ABR: variants seen among roughly 807,000 people sequenced by gnomAD.
The protein encoded by ABR is active breakpoint cluster region-related protein.
ABR carries 35 observed loss-of-function variants against 107.2 expected under a neutral mutation model. That is an observed-to-expected ratio of 0.33 (90% CI 0.25 to 0.43). ABR has a LOEUF of 0.43. Ranked by LOEUF, ABR falls within the 20% of genes least tolerant of loss-of-function variation. The pLI is 1.00. For missense variants in ABR, 815 were observed against 1,115.2 expected, an observed-to-expected ratio of 0.73 and a Z score of 3.83; for synonymous variants, 498 against 462.0, an observed-to-expected ratio of 1.08 and a Z score of -1.00.
At chr17:1,076,066 G>C (rs2035681558) in intron 6 of ABR, among the ~76,000 whole-genome samples, 1 of 152,104 alleles carries the variant, frequency 6.6e-6, no homozygotes, top group Admixed American at 6.6e-5. Flanking sequence ...TAGAGACAAG[G>C]TCTCACTATG....
rs144204871 is a variant in ABR at position 1,057,035 on chromosome 17, C to T, written c.1449G>A (p.Arg483=). 1.6e-5 allele frequency: 26 copies of T among 1,612,982 alleles called. No individual in the cohort carries two copies. Among genetic ancestry groups the T allele is most frequent in the Non-Finnish European group, 2.0e-5 (24 of 1,179,326 alleles). ...TGGTGACAGGAATGTTGTGTACAGT[C>T]CTAAGCTTGAAACAGGATCCTGTGA... The part of the protein sequence containing the change: ...QVLTGSCFKL[R]TVHNIPVTSN... The change falls in exon 13 of 23, where the codon AGG becomes AGA. Residue 483 remains arginine (R), a synonymous_variant. Coordinates refer to ENST00000302538, the MANE Select transcript of ABR (RefSeq NM_021962.5).
chr17:1,064,507 ACT>A (rs2034460524), intron 10 of ABR, among the ~76,000 whole-genome samples: 1 of 131,468 alleles, frequency 7.6e-6, no homozygotes, highest in Admixed American at 7.8e-5. Flanking sequence ...TGTTATGTGA[ACT>A]GAGGGCTATG....
intron 2 of ABR, among the ~76,000 whole-genome samples, chr17:1,124,764 A>T (rs899493423): frequency 6.6e-6 from 1 of 152,228 alleles, no homozygotes; most frequent in Non-Finnish European, 1.5e-5. Flanking sequence ...CACCAGGCCC[A>T]GGCTGGCTTT....
At chr17:1,026,971 C>A (rs1408893592) in intron 16 of ABR, among the ~76,000 whole-genome samples, 1 of 150,258 alleles carries the variant, frequency 6.7e-6, no homozygotes, top group African/African-American at 2.5e-5. Context: ...CACCTGCAGG[C>A]TTGGGGGCTC....
At position 1,006,091 on chromosome 17, in the gene ABR, TGGA is replaced by T. The variant is rs752145953; in HGVS notation, c.2566_2568del (p.Ser856del). On this transcript the variant is annotated inframe_deletion, in exon 23 of 23. Transcript: ENST00000302538. ...CACCCTGCCTCGGGCTACACGTCGG[TGGA>T]GAAGTACAGTGTGTTCCGCTTGAGT... 26 of 1,571,002 alleles carry T rather than the reference TGGA, an allele frequency of 1.7e-5. No individual in the cohort carries two copies. Among genetic ancestry groups the T allele is most frequent in the Non-Finnish European group, 2.2e-5 (25 of 1,157,808 alleles).
At position 1,161,242 on chromosome 17, in the gene ABR, T is replaced by C. The variant is rs548489394; in HGVS notation, c.61+18425A>G. 1.0e-4 allele frequency among the ~76,000 whole-genome samples: 15 copies of C among 149,828 alleles called. No homozygotes were observed. In the South Asian group the frequency reaches 3.2e-3, roughly 32 times the overall value. ...GTTGGAAATCCCCGTCACCCACAAG[T>C]CCAGTCTTTTTTTTTTTTAAGACAA... is the stretch of plus-strand genomic sequence containing the variant. On this transcript the variant is annotated intron_variant, in intron 1 of 22. Coordinates refer to ENST00000302538, the MANE Select transcript of ABR (RefSeq NM_021962.5).
chr17:1,100,819 C>T lies in ABR; in HGVS notation c.247-84G>A, dbSNP rs936246095. On this transcript the variant is annotated intron_variant, in intron 2 of 22. Transcript: ENST00000302538. Reference sequence around the variant, plus strand: ...GGACGGTCTGCTTCCCTGCCCTTCCCCCCCGACCTTTATTTTTTTTTTGAG... The same window carrying T: ...GGACGGTCTGCTTCCCTGCCCTTCCTCCCCGACCTTTATTTTTTTTTTGAG... 3.1e-6 allele frequency: 4 copies of T among 1,301,110 alleles called. 1 individual carries two copies. In the African/African-American group the frequency reaches 4.4e-5, roughly 14 times the overall value. The allele number at this position is 1,301,110 out of a possible 1,614,324, so 80.6% of individuals were successfully genotyped here. A position where few individuals can be genotyped will look rare whatever the true frequency, so the allele number is the denominator to read the frequency against.
chr17:1,163,398 C>A (rs1474834405), intron 1 of ABR, among the ~76,000 whole-genome samples: 2 of 152,154 alleles, frequency 1.3e-5, no homozygotes, highest in African/African-American at 2.4e-5. Context: ...GGGGGTGGCA[C>A]AAAAGAGAGA....
At chr17:1,032,440 C>T (rs1406947595) in intron 16 of ABR, among the ~76,000 whole-genome samples, 1 of 152,216 alleles carries the variant, frequency 6.6e-6, no homozygotes, top group Non-Finnish European at 1.5e-5. Context: ...AAGCCCGAAA[C>T]GACGCGGGTC....
Position 1,011,692 on chromosome 17 carries a change from G to A in ABR, c.2101+154C>T, listed in dbSNP as rs1221991607. On this transcript the variant is annotated intron_variant, in intron 19 of 22. Transcript: ENST00000302538. The surrounding 1 kb of genome is among the most constrained non-coding windows in gnomAD (Gnocchi z 4.8). Reference sequence around the variant, plus strand: ...GCAAGGGACAAGAGATTGGAGGGGAGGGGATTACAAGAGAAAGCACTTGCC... The same window carrying A: ...GCAAGGGACAAGAGATTGGAGGGGAAGGGATTACAAGAGAAAGCACTTGCC... 7.9e-6 allele frequency: 7 copies of A among 882,994 alleles called. No homozygotes were observed. The highest frequency in any genetic ancestry group is 1.1e-5 in the Non-Finnish European group (7 of 621,240). 54.7% of individuals were successfully genotyped at this position (882,994 alleles called of 1,614,324 possible).
At chr17:1,155,464 G>A (rs2041002397) in intron 1 of ABR, among the ~76,000 whole-genome samples, 1 of 152,108 alleles carries the variant, frequency 6.6e-6, no homozygotes, top group Admixed American at 6.6e-5. Context: ...AGAAAACCTG[G>A]GGGTAGATCT....
At chr17:1,158,075 C>G (rs2041118330) in intron 1 of ABR, among the ~76,000 whole-genome samples, 3 of 152,060 alleles carry the variant, frequency 2.0e-5, no homozygotes, top group African/African-American at 7.2e-5. Flanking sequence ...CGTGACCACC[C>G]CTGAGTAAGC....
rs76628333 is a variant in ABR at position 1,078,278 on chromosome 17, C to A, written c.700+1052G>T. On this transcript the variant is annotated intron_variant, in intron 6 of 22. Transcript: ENST00000302538. The surrounding 1 kb of genome is among the most constrained non-coding windows in gnomAD (Gnocchi z 7.5). ...GCTCCCACAGCCCCTCCGTGTCCTC[C>A]GCCTACTGCTGCATGTGCGCGGAGC... 2.0e-5 allele frequency among the ~76,000 whole-genome samples: 3 copies of A among 152,184 alleles called. No individual in the cohort carries two copies. The highest frequency in any genetic ancestry group is 4.4e-5 in the Non-Finnish European group (3 of 68,030).
intron 22 of ABR, among the ~76,000 whole-genome samples, chr17:1,006,395 C>T (rs538114775): frequency 6.6e-6 from 1 of 152,310 alleles, no homozygotes; most frequent in Non-Finnish European, 1.5e-5. Flanking sequence ...TCTGCTCTGT[C>T]CTGAGGCGGC....
At chr17:1,136,945 A>C (rs2040088547) in intron 1 of ABR, among the ~76,000 whole-genome samples, 1 of 152,030 alleles carries the variant, frequency 6.6e-6, no homozygotes, top group South Asian at 2.1e-4. Flanking sequence ...CTGGTAGGAG[A>C]GGCTCCGCTT....
chr17:1,215,570 G>A (rs1251609393), intron 1 of ABR, among the ~76,000 whole-genome samples: 1 of 152,132 alleles, frequency 6.6e-6, no homozygotes, highest in Admixed American at 6.6e-5. Flanking sequence ...GAGTGCAGTG[G>A]CGTGATCTCG....
At position 1,179,731 on chromosome 17, in the gene ABR, G is replaced by C; in HGVS notation, c.-4C>G. On this transcript the variant is annotated 5_prime_UTR_variant, in exon 1 of 23. Coordinates refer to ENST00000302538, the MANE Select transcript of ABR (RefSeq NM_021962.5). This position sits in a 1 kb window ranked among gnomAD's most constrained non-coding sequence, Gnocchi z 4.9. ...CCCGGTGGCTGAGCGGCTCCATCCC[G>C]CGGCGGCGGCTCGGTCAGATCCGAA... is the stretch of plus-strand genomic sequence containing the variant. The C allele has an allele frequency of 2.0e-6, 3 of 1,531,706 alleles. No homozygotes were observed. Among genetic ancestry groups the C allele is most frequent in the Non-Finnish European group, 2.6e-6 (3 of 1,138,520 alleles). The allele number at this position is 1,531,706 out of a possible 1,614,324, so 94.9% of individuals were successfully genotyped here.
intron 2 of ABR, among the ~76,000 whole-genome samples, chr17:1,118,345 A>G (rs1193473298): frequency 0.97 from 7,542 of 7,752 alleles, 3,691 homozygotes; most frequent in Middle Eastern, 1. Context: ...TCCTCCCAGC[A>G]TTATCCCTGA....
intron 10 of ABR, among the ~76,000 whole-genome samples, chr17:1,061,016 AAAAAC>A (rs1200722049): frequency 3.3e-5 from 5 of 152,150 alleles, no homozygotes; most frequent in Non-Finnish European, 7.4e-5. Context: ...ACAAAAAACA[AAAAAC>A]AAATCACTGC....
Sources: allele counts gnomAD v4.1 joint callset (sites outside exome capture counted in the v4.1 genomes callset), GRCh38; gene constraint gnomAD v4.1.1; non-coding constraint Gnocchi (gnomAD v3.1); transcripts MANE v1.5; gene names NCBI Gene and HGNC (gene_info 2026-07-23, HGNC 2026-07-21).